The following THRB variants were observed in gnomAD, a reference collection of about 807,000 sequenced individuals.
THRB encodes the protein thyroid hormone receptor beta, also known as nuclear receptor subfamily 1 group A member 2.
THRB carries 12 observed loss-of-function variants against 47.8 expected under a neutral mutation model. The ratio of observed to expected loss-of-function variants is 0.25; its 90% CI spans 0.16 to 0.41. THRB has a LOEUF of 0.41. Among genes scored for constraint, THRB ranks in the 10% least tolerant of loss-of-function variants. The pLI is 1.00. For synonymous variants in THRB, 218 were observed against 212.2 expected (o/e 1.03, Z -0.24); for missense variants, 348 against 589.2 (o/e 0.59, Z 4.24).
At chr3:24,247,423 C>T (rs79296251) in intron 3 of THRB, among the ~76,000 whole-genome samples, 6 of 152,270 alleles carry the variant, frequency 3.9e-5, no homozygotes, top group East Asian at 3.9e-4. Context: ...CAACCTATGA[C>T]GTAGGTGGTA....
At chr3:24,281,950 C>G (rs954394256) in intron 3 of THRB, among the ~76,000 whole-genome samples, 17 of 147,868 alleles carry the variant, frequency 1.1e-4, no homozygotes, top group African/African-American at 4.1e-4. Context: ...CCTGAGTGAC[C>G]TACAAAGAGA....
At position 24,118,457 on chromosome 3, in the gene THRB, C is replaced by G. The variant is rs1265392702; in HGVS notation, c.*4427G>C. Reference sequence around the variant, plus strand: ...ACACTGTTTGCAAAACACAAATCTTCCAATGACTGTAAATCTTTTTCTATT... The same window carrying G: ...ACACTGTTTGCAAAACACAAATCTTGCAATGACTGTAAATCTTTTTCTATT... On this transcript the variant is annotated 3_prime_UTR_variant, in exon 11 of 11. Transcript: ENST00000646209. 1.3e-5 allele frequency: 2 copies of G among 152,614 alleles called. No individual in the cohort carries two copies. Among genetic ancestry groups the G allele is most frequent in the Non-Finnish European group, 2.9e-5 (2 of 68,036 alleles). 9.5% of individuals were successfully genotyped at this position (152,614 alleles called of 1,614,324 possible). A position where few individuals can be genotyped will look rare whatever the true frequency, so the allele number is the denominator to read the frequency against.
chr3:24,191,459 CA>C (rs2043332317), intron 4 of THRB, among the ~76,000 whole-genome samples: 1 of 151,836 alleles, frequency 6.6e-6, no homozygotes, highest in African/African-American at 2.4e-5. Context: ...TTTTTTTTAA[CA>C]GTGAAATTAC....
In THRB at chr3:24,380,804, C is replaced by T. The variant is rs2065649468; in HGVS notation, c.-260-43433G>A. Reference sequence around the variant, plus strand: ...GAATCCAAAAGGCTAAAAGATATTGCCAAGGTCACACGGTCAAAATTTCCT... The same window carrying T: ...GAATCCAAAAGGCTAAAAGATATTGTCAAGGTCACACGGTCAAAATTTCCT... On this transcript the variant is annotated intron_variant, in intron 1 of 10. Coordinates refer to ENST00000646209, the MANE Select transcript of THRB (RefSeq NM_001354712.2). Among the ~76,000 whole-genome samples, 3 of 152,094 alleles carry T rather than the reference C, an allele frequency of 2.0e-5. No individual in the cohort carries two copies. The South Asian group carries it at 6.2e-4, about 31-fold the overall frequency.
intron 1 of THRB, among the ~76,000 whole-genome samples, chr3:24,400,293 T>C (rs1577326079): frequency 6.6e-6 from 1 of 152,112 alleles, no homozygotes; most frequent in African/African-American, 2.4e-5. Context: ...TGTCCTTCAA[T>C]GTGAGGGACA....
intron 2 of THRB, among the ~76,000 whole-genome samples, chr3:24,320,227 A>G (rs1212912403): frequency 6.6e-6 from 1 of 152,228 alleles, no homozygotes; most frequent in Non-Finnish European, 1.5e-5. Flanking sequence ...AGAAATCTCA[A>G]ATACTTGAAG....
intron 6 of THRB, among the ~76,000 whole-genome samples, chr3:24,147,778 A>G (rs1438007680): frequency 6.6e-6 from 1 of 152,196 alleles, no homozygotes; most frequent in Non-Finnish European, 1.5e-5. Flanking sequence ...TATCTTCCCT[A>G]CAATCATGTA....
intron 1 of THRB, among the ~76,000 whole-genome samples, chr3:24,440,659 T>C (rs1197126631): frequency 6.6e-6 from 1 of 152,174 alleles, no homozygotes; most frequent in Non-Finnish European, 1.5e-5. Context: ...ATTCTAGGTA[T>C]ATTCTAGGTA....
chr3:24,300,269 G>T (rs2056844181), intron 2 of THRB, among the ~76,000 whole-genome samples: 1 of 152,146 alleles, frequency 6.6e-6, no homozygotes, highest in Non-Finnish European at 1.5e-5. Flanking sequence ...TCAAAAGAAA[G>T]GAATTTTTTT....
intron 1 of THRB, among the ~76,000 whole-genome samples, chr3:24,350,177 C>T (rs886201498): frequency 1.3e-5 from 2 of 152,004 alleles, no homozygotes; most frequent in African/African-American, 4.8e-5. Flanking sequence ...GATATCTATA[C>T]ACGTCCACCA....
intron 3 of THRB, among the ~76,000 whole-genome samples, chr3:24,272,212 G>A (rs2053409050): frequency 2.0e-5 from 3 of 152,088 alleles, no homozygotes; most frequent in African/African-American, 7.2e-5. Flanking sequence ...CAGATGTGGT[G>A]GCCCGCACTT....
chr3:24,171,173 C>T (rs149923688), intron 5 of THRB, among the ~76,000 whole-genome samples: 1 of 152,308 alleles, frequency 6.6e-6, no homozygotes, highest in East Asian at 1.9e-4. Flanking sequence ...GCATGAGTCT[C>T]GATCTTACCA....
At chr3:24,310,377 C>T (rs922854035) in intron 2 of THRB, among the ~76,000 whole-genome samples, 45 of 152,194 alleles carry the variant, frequency 3.0e-4, no homozygotes, top group Non-Finnish European at 6.0e-4. Context: ...AGAGAGAAGA[C>T]TTCCCTTTAA....
chr3:24,373,537 C>T (rs73043772), intron 1 of THRB, among the ~76,000 whole-genome samples: 10,641 of 152,112 alleles, frequency 0.07, 517 homozygotes, highest in Non-Finnish European at 0.11. Flanking sequence ...TGGCATGACA[C>T]TATCATAGGC....
At chr3:24,393,759 C>T (rs897894186) in intron 1 of THRB, among the ~76,000 whole-genome samples, 3 of 152,106 alleles carry the variant, frequency 2.0e-5, no homozygotes, top group African/African-American at 7.2e-5. Context: ...GAGGTCCTAT[C>T]CTCTGCCAAA....
At chr3:24,398,392 AC>A (rs1560099890) in intron 1 of THRB, among the ~76,000 whole-genome samples, 2 of 152,222 alleles carry the variant, frequency 1.3e-5, no homozygotes, top group Non-Finnish European at 2.9e-5. Context: ...CAAGAAAAAA[AC>A]AACCCCATCA....
intron 9 of THRB, 110 bp from the exon 10 acceptor site, chr3:24,127,867 T>C: frequency 7.7e-7 from 1 of 1,291,878 alleles, no homozygotes; most frequent in Non-Finnish European, 1.1e-6. Flanking sequence ...TTAACATTTG[T>C]CCTGCATTCT....
chr3:24,485,987 C>A (rs992108300), intron 1 of THRB, among the ~76,000 whole-genome samples: 1 of 152,082 alleles, frequency 6.6e-6, no homozygotes, highest in Non-Finnish European at 1.5e-5. Context: ...CCAGGTGAAA[C>A]CAGCATACAA....
chr3:24,267,399 T>C (rs902405416), intron 3 of THRB, among the ~76,000 whole-genome samples: 10 of 149,094 alleles, frequency 6.7e-5, no homozygotes, highest in African/African-American at 2.5e-4. Context: ...AATCTGCAGA[T>C]CAAAAAAACT....
Sources: gnomAD v4.1 joint callset for allele counts (sites outside exome capture counted in the v4.1 genomes callset) on GRCh38, gnomAD v4.1.1 for gene constraint, MANE v1.5 for transcripts, NCBI Gene and HGNC (gene_info 2026-07-23, HGNC 2026-07-21) for gene names.